The following OTUD7B variants were observed in gnomAD, a reference collection of about 807,000 sequenced individuals.
The protein encoded by OTUD7B is OTU deubiquitinase 7B, also known as OTU domain-containing protein 7B.
Under a neutral mutation model 82.2 loss-of-function variants are expected in OTUD7B, and 34 were observed. The ratio of observed to expected loss-of-function variants is 0.41; its 90% confidence interval spans 0.31 to 0.55. OTUD7B has a LOEUF of 0.55. Ranked by LOEUF, OTUD7B falls within the 20% of genes least tolerant of loss-of-function variation. OTUD7B has a pLI of 0.20. For missense variants in OTUD7B, 944 were observed against 1,062.1 expected, an observed-to-expected ratio of 0.89 and a Z score of 1.55; for synonymous variants, 398 against 402.7, an observed-to-expected ratio of 0.99 and a Z score of 0.14.
rs781929554 is a variant in OTUD7B at position 149,948,984 on chromosome 1, T to C, written c.1223A>G (p.Asn408Ser). The change falls in exon 10 of 12, where the codon AAT (asparagine) becomes AGT (serine). Residue 408 changes from asparagine to serine, a missense_variant. Coordinates refer to ENST00000581312, the MANE Select transcript of OTUD7B (RefSeq NM_020205.4). ...GWEWGKDDSD[N>S]VRLASVILSL... The stretch of plus-strand genomic sequence containing the variant: ...CCTGGCTTACCTGGCCAATCGGACA[T>C]TGTCACTATCATCTTTGCCCCACTC... 6 of 1,611,536 alleles carry C rather than the reference T, an allele frequency of 3.7e-6. No individual in the cohort carries two copies. In the Admixed American group the frequency reaches 6.7e-5, roughly 18 times the overall value.
At chr1:149,946,719 C>G (rs6660842) in intron 11 of OTUD7B, among the ~76,000 whole-genome samples, 42,977 of 129,118 alleles carry the variant, frequency 0.33, 7,810 homozygotes, top group African/African-American at 0.52. Context: ...TTCAGCCTGG[C>G]TGACAGAGCA....
intron 7 of OTUD7B, among the ~76,000 whole-genome samples, chr1:149,957,910 C>A (rs1346726932): frequency 4.6e-5 from 7 of 152,198 alleles, no homozygotes; most frequent in African/African-American, 7.2e-5. Context: ...GTGGGAATGT[C>A]CCGATTTTCC....
chr1:150,032,990 AC>A, the OTUD7B span, among the ~76,000 whole-genome samples: 1 of 152,196 alleles, frequency 6.6e-6, no homozygotes, highest in Non-Finnish European at 1.5e-5. Flanking sequence ...ATTTTTAGTA[AC>A]TGCATATTAT....
intron 7 of OTUD7B, among the ~76,000 whole-genome samples, chr1:149,958,322 C>CTTTTTTTTTTTTTTTT (rs34299927): frequency 3.5e-5 from 3 of 86,394 alleles, no homozygotes; most frequent in Admixed American, 1.9e-4. Flanking sequence ...AAAGGACTAC[C>CTTTTTTTTTTTTTTTT]TTTTTTTTTT....
At chr1:150,030,946 T>C in the OTUD7B span, among the ~76,000 whole-genome samples, 1 of 152,182 alleles carries the variant, frequency 6.6e-6, no homozygotes, top group Non-Finnish European at 1.5e-5. Flanking sequence ...GCTAATTTTG[T>C]ATTTTTAGTA....
At chr1:150,032,486 A>AAAAAAAG in the OTUD7B span, among the ~76,000 whole-genome samples, 2 of 149,252 alleles carry the variant, frequency 1.3e-5, no homozygotes, top group Non-Finnish European at 1.5e-5. Flanking sequence ...AAAAAAAAAA[A>AAAAAAAG]TAGCCAGGTA....
chr1:149,993,663 T>C (rs1553782729), intron 1 of OTUD7B, among the ~76,000 whole-genome samples: 2 of 152,218 alleles, frequency 1.3e-5, no homozygotes, highest in African/African-American at 2.4e-5. Flanking sequence ...TTTTTTATGA[T>C]AATATCTAAC....
At chr1:149,990,875 G>A (rs1254105211) in intron 1 of OTUD7B, among the ~76,000 whole-genome samples, 3 of 151,862 alleles carry the variant, frequency 2.0e-5, no homozygotes, top group South Asian at 2.1e-4. Context: ...CTTGTAATCC[G>A]AGCTACTTGG....
At chr1:150,019,293 ACCCTG>A in the OTUD7B span, among the ~76,000 whole-genome samples, 4 of 151,910 alleles carry the variant, frequency 2.6e-5, no homozygotes, top group Admixed American at 6.6e-5. Context: ...TACTCTTCAC[ACCCTG>A]CCTGAAACTA....
At chr1:149,958,771 G>A (rs1348834713) in intron 7 of OTUD7B, among the ~76,000 whole-genome samples, 1 of 151,728 alleles carries the variant, frequency 6.6e-6, no homozygotes, top group Admixed American at 6.6e-5. Flanking sequence ...AGAGACAGAG[G>A]TCTCTCTTTG....
In OTUD7B at chr1:149,988,056, T is replaced by G. The variant is rs587611152; in HGVS notation, c.-66-10480A>C. ...ATTTTGTAATAGTCTCTTAATCTCA[T>G]GTATATTATCTATTTTTTTGATTAT... On this transcript the variant is annotated intron_variant, in intron 1 of 11. Coordinates refer to ENST00000581312, the MANE Select transcript of OTUD7B (RefSeq NM_020205.4). Among the ~76,000 whole-genome samples the G allele has an allele frequency of 7.7e-4, 118 of 152,322 alleles. 2 individuals carry two copies. Among genetic ancestry groups the G allele is most frequent in the Non-Finnish European group, 2.1e-4 (14 of 68,028 alleles).
intron 1 of OTUD7B, among the ~76,000 whole-genome samples, chr1:150,004,713 T>C (rs1652545719): frequency 6.6e-6 from 1 of 152,020 alleles, no homozygotes; most frequent in African/African-American, 2.4e-5. Flanking sequence ...TCACTGCCAC[T>C]CAGGTTAGTC....
rs1553775283 is a variant in OTUD7B at position 149,959,752 on chromosome 1, A to G, written c.777T>C (p.Asn259=). 1.9e-6 allele frequency: 3 copies of G among 1,613,876 alleles called. No individual in the cohort carries two copies. The highest frequency in any genetic ancestry group is 1.7e-5 in the Admixed American group (1 of 59,996). Residue 259 remains asparagine (N), a synonymous_variant, in exon 7 of 12, where the codon AAT becomes AAC. Transcript: ENST00000581312. ...CACTTGAGGCAAGCTTGATCAGTTC[A>G]TTCCACTCCTTCTGCCATTCATCTT... The part of the protein sequence containing the change: ...YTEDEWQKEW[N]ELIKLASSEP...
At chr1:150,050,916 T>TAAAAA in the OTUD7B span, among the ~76,000 whole-genome samples, 1 of 144,886 alleles carries the variant, frequency 6.9e-6, no homozygotes. Flanking sequence ...AGATAGTCCT[T>TAAAAA]AAAAAAAAAA....
the OTUD7B span, among the ~76,000 whole-genome samples, chr1:150,039,563 A>T: frequency 6.6e-6 from 1 of 152,018 alleles, no homozygotes; most frequent in Admixed American, 6.6e-5. Context: ...TTTTTAATAG[A>T]GACAGAGTTT....
intron 7 of OTUD7B, among the ~76,000 whole-genome samples, chr1:149,952,216 C>A (rs1160743445): frequency 2.8e-5 from 4 of 143,082 alleles, no homozygotes; most frequent in Non-Finnish European, 6.0e-5. Flanking sequence ...AACTCCACAA[C>A]AGGCCTTGGT....
the OTUD7B span, among the ~76,000 whole-genome samples, chr1:150,056,861 A>G: frequency 6.6e-6 from 1 of 152,210 alleles, no homozygotes. Context: ...ATAAACACCA[A>G]TTGTTGCAGG....
intron 7 of OTUD7B, 98 bp from the exon 8 acceptor site, chr1:149,950,319 A>C: frequency 8.2e-7 from 1 of 1,212,184 alleles, no homozygotes; most frequent in East Asian, 2.5e-5. Context: ...AAGGGAAAAG[A>C]AGAATGTCCT....
chr1:150,013,726 T>C (rs967926791), upstream of OTUD7B, among the ~76,000 whole-genome samples: 4 of 150,604 alleles, frequency 2.7e-5, no homozygotes, highest in Admixed American at 2.7e-4. Flanking sequence ...ATTGAGACCA[T>C]CCTGGCTAAC....
Sources: allele counts gnomAD v4.1 joint callset (sites outside exome capture counted in the v4.1 genomes callset), GRCh38; gene constraint gnomAD v4.1.1; transcripts MANE v1.5; gene names NCBI Gene and HGNC (gene_info 2026-07-23, HGNC 2026-07-21).